The following MARF1 variants were observed in gnomAD, a reference collection of about 807,000 sequenced individuals.
MARF1 encodes the protein limkain-b1.
A neutral mutation model predicts 168.2 loss-of-function variants in MARF1; 24 were observed. The ratio of observed to expected loss-of-function variants is 0.14; its 90% confidence interval spans 0.10 to 0.20. MARF1 has a LOEUF of 0.20. Ranked by LOEUF, MARF1 falls within the 10% of genes least tolerant of loss-of-function variation. MARF1 has a pLI of 1.00. For missense variants in MARF1, 1,744 were observed against 2,143.6 expected (o/e 0.81, Z 3.68); for synonymous variants, 868 against 822.4 (o/e 1.06, Z -0.95).
At chr16:15,608,560 T>A (rs772306566) in intron 20 of MARF1, 42 bp from the exon 21 acceptor site, 2 of 1,460,414 alleles carry the variant, frequency 1.4e-6, no homozygotes, top group Non-Finnish European at 1.9e-6. Flanking sequence ...AATAAACAAA[T>A]CACGGGTGTT....
rs2031605185 is a variant in MARF1, at chr16:15,595,631, G to A, written c.*1062C>T. ...AGAGTAAAATCAGACACGATTAAAAGATGCTGAGCTGACATACACACACAT... is the reference window on the plus strand; with the variant it reads ...AGAGTAAAATCAGACACGATTAAAAAATGCTGAGCTGACATACACACACAT... On this transcript the variant is annotated 3_prime_UTR_variant, in exon 27 of 27. Transcript: ENST00000396368. 1 of 152,358 alleles carries A rather than the reference G, an allele frequency of 6.6e-6. No homozygotes were observed. The highest frequency in any genetic ancestry group is 6.5e-5 in the Admixed American group (1 of 15,272). 9.4% of individuals were successfully genotyped at this position (152,358 alleles called of 1,614,324 possible). A position where few individuals can be genotyped will look rare whatever the true frequency, so the allele number is the denominator to read the frequency against.
Position 15,639,387 on chromosome 16 carries a change from C to T in MARF1, c.-58-96G>A, listed in dbSNP as rs2035800853. 3 of 787,906 alleles carry T rather than the reference C, an allele frequency of 3.8e-6. No individual in the cohort carries two copies. The South Asian group carries it at 5.3e-5, about 14-fold the overall frequency. The allele number at this position is 787,906 out of a possible 1,614,324, so 48.8% of individuals were successfully genotyped here. A position where few individuals can be genotyped will look rare whatever the true frequency, so the allele number is the denominator to read the frequency against. On this transcript the variant is annotated intron_variant, in intron 1 of 26. Transcript: ENST00000396368. ...TGAAACCACAGCTATATTTACAGTCCTATGGCTCTCAACAATTCAAATCTT... is the reference window on the plus strand; with the variant it reads ...TGAAACCACAGCTATATTTACAGTCTTATGGCTCTCAACAATTCAAATCTT...
In MARF1 at chr16:15,596,340, TGGAAGCAAAACC is replaced by T. The variant is rs1328058574; in HGVS notation, c.*341_*352del. On this transcript the variant is annotated 3_prime_UTR_variant, in exon 27 of 27. Transcript: ENST00000396368. The stretch of plus-strand genomic sequence containing the variant: ...GGATGACACCACCGACGTGGCTCAA[TGGAAGCAAAACC>T]GCTTCCTGCTAGTTGAGTTTTTAGT... The T allele has an allele frequency of 5.9e-6, 1 of 169,644 alleles. No individual in the cohort carries two copies. The highest frequency in any genetic ancestry group is 1.3e-5 in the Non-Finnish European group (1 of 79,582). 10.5% of individuals were successfully genotyped at this position (169,644 alleles called of 1,614,324 possible). A position where few individuals can be genotyped will look rare whatever the true frequency, so the allele number is the denominator to read the frequency against.
rs745693971 is a variant in MARF1, at chr16:15,630,356, G to A, written c.1500C>T (p.Pro500=). The A allele has an allele frequency of 2.0e-5, 32 of 1,602,684 alleles. No individual in the cohort carries two copies. Among genetic ancestry groups the A allele is most frequent in the Admixed American group, 8.5e-5 (5 of 58,898 alleles). The change falls in exon 7 of 27, where the codon CCC becomes CCT. Residue 500 remains proline, a synonymous_variant. Coordinates refer to ENST00000396368, the MANE Select transcript of MARF1 (RefSeq NM_014647.4). The part of the protein sequence containing the change: ...IRFEEFISDL[P]PRLPLKMPQC... ...CTGGCATTTTTAGTGGTAACCTGGGGGGCAAGTCGGAAATGAACTCTTCAA... is the reference window on the plus strand; with the variant it reads ...CTGGCATTTTTAGTGGTAACCTGGGAGGCAAGTCGGAAATGAACTCTTCAA...
At chr16:15,632,381 GT>G (rs989073585) in intron 5 of MARF1, among the ~76,000 whole-genome samples, 2 of 152,080 alleles carry the variant, frequency 1.3e-5, no homozygotes, top group African/African-American at 2.4e-5. Context: ...GTTTTGTTTT[GT>G]TTTGGGCTTT....
At chr16:15,625,830 G>A (rs771674338) in intron 7 of MARF1, 30 bp from the exon 8 acceptor site, 6 of 1,568,046 alleles carry the variant, frequency 3.8e-6, no homozygotes, top group Non-Finnish European at 5.2e-6. Context: ...TGTTACGTCA[G>A]GTTAATTCAA....
At chr16:15,602,855 T>C in intron 22 of MARF1, 1 of 294,906 alleles carries the variant, frequency 3.4e-6, no homozygotes, top group Non-Finnish European at 6.7e-6. Context: ...CAAACCAGTT[T>C]TCCAAGAAAC....
chr16:15,609,470 T>G, intron 20 of MARF1, 53 bp downstream of exon 20: 1 of 1,453,764 alleles, frequency 6.9e-7, no homozygotes, highest in South Asian at 1.2e-5. Context: ...AAAAAGTATT[T>G]CCTATACGTT....
chr16:15,596,545 A>G lies in MARF1; in HGVS notation c.*148T>C, dbSNP rs970260767. On this transcript the variant is annotated 3_prime_UTR_variant, in exon 27 of 27. Transcript: ENST00000396368. ...CAGCTCAAAGCTGTGTTCAATGGAA[A>G]AGAAAAACATGATAGAACACAGGTA... 7 of 701,980 alleles carry G rather than the reference A, an allele frequency of 1.0e-5. No individual in the cohort carries two copies. The African/African-American group carries it at 1.3e-4, about 13-fold the overall frequency. The allele number at this position is 701,980 out of a possible 1,614,324, so 43.5% of individuals were successfully genotyped here.
At chr16:15,613,451 C>A (rs2151124086) in intron 16 of MARF1, among the ~76,000 whole-genome samples, 2 of 151,862 alleles carry the variant, frequency 1.3e-5, no homozygotes, top group Non-Finnish European at 2.9e-5. Flanking sequence ...AGATCGAGAC[C>A]ATCCTGGCTA....
At chr16:15,626,316 T>C (rs1302613753) in intron 7 of MARF1, among the ~76,000 whole-genome samples, 1 of 152,208 alleles carries the variant, frequency 6.6e-6, no homozygotes, top group Non-Finnish European at 1.5e-5. Context: ...TCTAAAATTG[T>C]ACAACTCAAT....
intron 21 of MARF1, 78 bp downstream of exon 21, chr16:15,608,213 A>T (rs2033182155): frequency 1.1e-6 from 1 of 927,408 alleles, no homozygotes. Flanking sequence ...CAGCACACGC[A>T]AACGTCCTAA....
chr16:15,616,957 T>C, intron 15 of MARF1, 95 bp downstream of exon 15: 1 of 1,439,858 alleles, frequency 6.9e-7, no homozygotes, highest in South Asian at 1.3e-5. Context: ...CATTGTAGAG[T>C]ACTTATTTGT....
chr16:15,617,251 A>C (rs2034128411), intron 14 of MARF1, 48 bp downstream of exon 14: 3 of 1,609,744 alleles, frequency 1.9e-6, no homozygotes, highest in Non-Finnish European at 1.7e-6. Context: ...AACATGTTCC[A>C]CAATCTTATA....
At chr16:15,613,323 G>T (rs2033739073) in intron 16 of MARF1, among the ~76,000 whole-genome samples, 1 of 152,084 alleles carries the variant, frequency 6.6e-6, no homozygotes, top group South Asian at 2.1e-4. Context: ...TATTAAAAAG[G>T]TATAAGTAAT....
At position 15,596,097 on chromosome 16, in the gene MARF1, T is replaced by C. The variant is rs929542720; in HGVS notation, c.*596A>G. 4 of 152,580 alleles carry C rather than the reference T, an allele frequency of 2.6e-5. No homozygotes were observed. Among genetic ancestry groups the C allele is most frequent in the African/African-American group, 9.7e-5 (4 of 41,422 alleles). 9.5% of individuals were successfully genotyped at this position (152,580 alleles called of 1,614,324 possible). ...TTGTCAACTACAGACATAGTTTAAATAAAAAACAAGGCACACTTACAAGTC... is the reference window on the plus strand; with the variant it reads ...TTGTCAACTACAGACATAGTTTAAACAAAAAACAAGGCACACTTACAAGTC... On this transcript the variant is annotated 3_prime_UTR_variant, in exon 27 of 27. Coordinates refer to ENST00000396368, the MANE Select transcript of MARF1 (RefSeq NM_014647.4).
At chr16:15,638,383 C>T (rs1167225610) in intron 2 of MARF1, among the ~76,000 whole-genome samples, 5 of 152,040 alleles carry the variant, frequency 3.3e-5, no homozygotes, top group African/African-American at 7.2e-5. Context: ...GTCAGGAGGT[C>T]AAGACCAGCC....
intron 6 of MARF1, among the ~76,000 whole-genome samples, chr16:15,630,948 G>C (rs918403097): frequency 3.9e-5 from 6 of 152,074 alleles, no homozygotes; most frequent in Admixed American, 3.9e-4. Context: ...CTGACCAACT[G>C]GAGAAACCCC....
intron 6 of MARF1, 146 bp from the exon 7 acceptor site, chr16:15,630,650 C>G (rs755214189): frequency 3.4e-6 from 2 of 590,152 alleles, no homozygotes; most frequent in Non-Finnish European, 2.8e-6. Flanking sequence ...GAAAGAAACA[C>G]GTTTCACATC....
Sources: allele counts gnomAD v4.1 joint callset (sites outside exome capture counted in the v4.1 genomes callset), GRCh38; gene constraint gnomAD v4.1.1; transcripts MANE v1.5; gene names NCBI Gene and HGNC (gene_info 2026-07-23, HGNC 2026-07-21).